The following FNDC3A variants were observed in gnomAD, a reference collection of about 807,000 sequenced individuals.
FNDC3A encodes fibronectin type-III domain-containing protein 3A.
A neutral mutation model predicts 148.9 loss-of-function variants in FNDC3A; 32 were observed. The observed-to-expected ratio is 0.21, with a 90% CI of 0.16 to 0.29. The LOEUF (loss-of-function observed/expected upper bound fraction) is 0.29, where lower values mean the gene tolerates loss of function less well. FNDC3A is among the 10% of genes least tolerant of loss of function. The probability of loss-of-function intolerance (pLI) is 1.00; values close to 1 mark genes in which losing one functional copy is unlikely to be tolerated. For missense variants in FNDC3A, 1,191 were observed against 1,452.8 expected (o/e 0.82, Z 2.93); for synonymous variants, 472 against 473.6 (o/e 1.00, Z 0.04).
chr13:49,173,672 A>G (rs1035505761), intron 11 of FNDC3A, among the ~76,000 whole-genome samples: 17 of 152,182 alleles, frequency 1.1e-4, no homozygotes, highest in African/African-American at 4.1e-4. Context: ...ATGATTTTCT[A>G]CTTAGAAACT....
At chr13:49,096,179 C>T (rs2137827509) in intron 3 of FNDC3A, among the ~76,000 whole-genome samples, 1 of 152,206 alleles carries the variant, frequency 6.6e-6, no homozygotes, top group African/African-American at 2.4e-5. Flanking sequence ...CCAAACATGT[C>T]ACCATTAACC....
chr13:48,977,768 T>C (rs1351557858), intron 1 of FNDC3A, among the ~76,000 whole-genome samples: 1 of 152,210 alleles, frequency 6.6e-6, no homozygotes, highest in East Asian at 1.9e-4. Context: ...AGAAACATCT[T>C]GTTAAAATTT....
chr13:49,044,481 C>A (rs887067268), intron 2 of FNDC3A: 1 of 159,388 alleles, frequency 6.3e-6, no homozygotes, highest in Non-Finnish European at 1.4e-5. Flanking sequence ...ACCAGCCTGA[C>A]CAACATGGTA....
intron 23 of FNDC3A, among the ~76,000 whole-genome samples, chr13:49,200,972 T>C (rs986893922): frequency 3.9e-5 from 6 of 151,948 alleles, no homozygotes; most frequent in African/African-American, 1.4e-4. Context: ...AAAAAAAAAT[T>C]TAGAGGTTGA....
chr13:49,071,633 G>A (rs564126020), intron 2 of FNDC3A, among the ~76,000 whole-genome samples: 15 of 151,594 alleles, frequency 9.9e-5, no homozygotes, highest in African/African-American at 3.6e-4. Context: ...GATTAGTAAT[G>A]TTGAGCATTT....
At chr13:49,128,193 A>G (rs1287904380) in intron 4 of FNDC3A, among the ~76,000 whole-genome samples, 1 of 152,108 alleles carries the variant, frequency 6.6e-6, no homozygotes, top group Non-Finnish European at 1.5e-5. Context: ...ACTTTTAAAT[A>G]TATGCAGAAT....
At chr13:49,190,896 A>T in intron 17 of FNDC3A, 119 bp from the exon 18 acceptor site, 1 of 635,430 alleles carries the variant, frequency 1.6e-6, no homozygotes, top group Non-Finnish European at 2.7e-6. Context: ...GTTGACAATC[A>T]AGTACAATTT....
At chr13:48,999,581 G>A (rs1399029902) in intron 1 of FNDC3A, among the ~76,000 whole-genome samples, 3 of 152,134 alleles carry the variant, frequency 2.0e-5, no homozygotes, top group Non-Finnish European at 2.9e-5. Context: ...GAATGAAAAT[G>A]ACATGAATTT....
chr13:49,166,043 G>A (rs950791234), intron 8 of FNDC3A, among the ~76,000 whole-genome samples: 6 of 152,160 alleles, frequency 3.9e-5, no homozygotes, highest in Admixed American at 2.0e-4. Flanking sequence ...CCCTCCAGTG[G>A]TGTTTGTAGG....
intron 2 of FNDC3A, among the ~76,000 whole-genome samples, chr13:49,038,307 G>A (rs113502748): frequency 0.011 from 1,721 of 152,262 alleles, 36 homozygotes; most frequent in African/African-American, 0.039. Flanking sequence ...GCTTGAGGGT[G>A]GGGCCTTTGC....
chr13:49,091,449 C>CA (rs1879185470), intron 3 of FNDC3A, among the ~76,000 whole-genome samples: 1 of 152,116 alleles, frequency 6.6e-6, no homozygotes. Flanking sequence ...CCAGCTAAAC[C>CA]ATTGGGTACA....
Position 49,087,152 on chromosome 13 carries a change from C to T in FNDC3A, c.175+11788C>T, listed in dbSNP as rs546493751. Among the ~76,000 whole-genome samples, 4 of 152,124 alleles carry T rather than the reference C, an allele frequency of 2.6e-5. No homozygotes were observed. In the East Asian group the frequency reaches 7.7e-4, roughly 29 times the overall value. ...GCAAAATATCACTGTTATAGTTAGT[C>T]TCTTGGAAGTATAAAATCTAAGCCA... On this transcript the variant is annotated intron_variant, in intron 3 of 25. Transcript: ENST00000492622.
At chr13:49,066,049 A>G (rs1453409161) in intron 2 of FNDC3A, among the ~76,000 whole-genome samples, 2 of 152,172 alleles carry the variant, frequency 1.3e-5, no homozygotes, top group African/African-American at 4.8e-5. Context: ...AATAAGTACT[A>G]TAGTACATTG....
chr13:49,124,159 C>T (rs368180881), intron 4 of FNDC3A, among the ~76,000 whole-genome samples: 5 of 152,136 alleles, frequency 3.3e-5, no homozygotes, highest in African/African-American at 1.2e-4. Context: ...TAGTGTGCAG[C>T]CATAAAAAAG....
chr13:49,171,586 A>G (rs1884757281), intron 10 of FNDC3A, among the ~76,000 whole-genome samples: 1 of 152,202 alleles, frequency 6.6e-6, no homozygotes, highest in Admixed American at 6.5e-5. Context: ...CAGCACAGTG[A>G]GTATAGAAAC....
chr13:49,076,717 A>G (rs545466455), intron 3 of FNDC3A, among the ~76,000 whole-genome samples: 1 of 152,260 alleles, frequency 6.6e-6, no homozygotes, highest in Non-Finnish European at 1.5e-5. Flanking sequence ...GTTAATAGAA[A>G]GTGATCCCCG....
chr13:49,151,799 A>G (rs1226799697), intron 8 of FNDC3A, among the ~76,000 whole-genome samples: 12 of 152,006 alleles, frequency 7.9e-5, no homozygotes, highest in East Asian at 5.8e-4. Context: ...TCATTGTTCA[A>G]TTTCCACCTA....
intron 19 of FNDC3A, among the ~76,000 whole-genome samples, chr13:49,191,927 A>G (rs1885907860): frequency 6.6e-6 from 1 of 152,204 alleles, no homozygotes; most frequent in African/African-American, 2.4e-5. Context: ...AAAGTAGGTG[A>G]TATCTCCATT....
upstream of FNDC3A, chr13:48,975,839 T>TCGGGGTCCCGGCCGCGGGCTCCGTCGG (rs1951587111): frequency 6.6e-6 from 1 of 151,454 alleles, no homozygotes; most frequent in South Asian, 2.1e-4. Flanking sequence ...AGGCGGGGGT[T>TCGGGGTCCCGGCCGCGGGCTCCGTCGG]CGGGGTCCCG....
Sources: allele counts gnomAD v4.1 joint callset (sites outside exome capture counted in the v4.1 genomes callset), GRCh38; gene constraint gnomAD v4.1.1; transcripts MANE v1.5; gene names NCBI Gene and HGNC (gene_info 2026-07-23, HGNC 2026-07-21).